The following EYA2 variants were observed in gnomAD, a reference collection of about 807,000 sequenced individuals.
EYA2 encodes the protein EYA transcriptional coactivator and phosphatase 2.
In EYA2, 31 loss-of-function variants were observed where a neutral mutation model predicts 69.2. The ratio of observed to expected loss-of-function variants is 0.45; its 90% CI spans 0.34 to 0.60. The LOEUF is 0.60. EYA2 is among the 20% of genes least tolerant of loss of function. The probability of loss-of-function intolerance (pLI) is 0.02; values close to 1 mark genes in which losing one functional copy is unlikely to be tolerated. For missense variants in EYA2, 622 were observed against 701.2 expected (o/e 0.89, Z 1.28); for synonymous variants, 257 against 279.4 (o/e 0.92, Z 0.80).
At chr20:47,032,779 G>A (rs1050765888) in intron 5 of EYA2, among the ~76,000 whole-genome samples, 55 of 152,308 alleles carry the variant, frequency 3.6e-4, no homozygotes, top group African/African-American at 1.3e-3. Flanking sequence ...TGAAGCCTGG[G>A]ACAAAGTCAA....
rs1255407965 is a variant in EYA2 at position 46,962,036 on chromosome 20, C to A, written c.-10-27965C>A. Among the ~76,000 whole-genome samples the A allele has an allele frequency of 2.0e-5, 3 of 152,070 alleles. No individual in the cohort carries two copies. In the East Asian group the frequency reaches 5.8e-4, roughly 29 times the overall value. ...CAGATTTTCTTTCTTTCTTTCTTTT[C>A]TTTTTCTTTTTAAGACAGGATCTCA... On this transcript the variant is annotated intron_variant, in intron 1 of 15. Coordinates refer to ENST00000327619, the MANE Select transcript of EYA2 (RefSeq NM_005244.5).
chr20:46,959,797 T>G (rs1600582965), intron 1 of EYA2, among the ~76,000 whole-genome samples: 1 of 152,262 alleles, frequency 6.6e-6, no homozygotes, highest in African/African-American at 2.4e-5. Context: ...TCATCTCTTT[T>G]CTCTGAAATT....
intron 9 of EYA2, among the ~76,000 whole-genome samples, chr20:47,113,387 G>A (rs1053546166): frequency 2.0e-5 from 3 of 152,168 alleles, no homozygotes; most frequent in Non-Finnish European, 2.9e-5. Context: ...GGGGCTGATC[G>A]GCTGTGCCTG....
In EYA2 at chr20:47,188,493, A is replaced by C; in HGVS notation, c.*360A>C. On this transcript the variant is annotated 3_prime_UTR_variant, in exon 16 of 16. Transcript: ENST00000327619. The stretch of plus-strand genomic sequence containing the variant: ...TCTTTTTAATTTATGGACTAGTCTC[A>C]TTACTCCGGAATTATGCTCTTGTAC... 1 of 522,928 alleles carries C rather than the reference A, an allele frequency of 1.9e-6. No individual in the cohort carries two copies. Among genetic ancestry groups the C allele is most frequent in the Non-Finnish European group, 3.4e-6 (1 of 297,094 alleles). The allele number at this position is 522,928 out of a possible 1,614,324, so 32.4% of individuals were successfully genotyped here.
chr20:47,121,279 A>T (rs537878530), intron 9 of EYA2, among the ~76,000 whole-genome samples: 2 of 152,254 alleles, frequency 1.3e-5, no homozygotes, highest in African/African-American at 4.8e-5. Context: ...TTTAGTTGAG[A>T]CAGAGTTTCA....
At chr20:47,056,838 A>T (rs1179112639) in intron 5 of EYA2, among the ~76,000 whole-genome samples, 2 of 152,076 alleles carry the variant, frequency 1.3e-5, no homozygotes, top group East Asian at 3.9e-4. Context: ...TGAGCCCAGA[A>T]GTTCGAGACC....
At chr20:47,093,293 A>C (rs1439508163) in intron 8 of EYA2, among the ~76,000 whole-genome samples, 2 of 152,180 alleles carry the variant, frequency 1.3e-5, no homozygotes, top group Non-Finnish European at 2.9e-5. Flanking sequence ...TCTGGAGACT[A>C]CCTGTCAGAT....
chr20:46,962,946 G>A (rs1378534118), intron 1 of EYA2, among the ~76,000 whole-genome samples: 1 of 152,234 alleles, frequency 6.6e-6, no homozygotes, highest in Non-Finnish European at 1.5e-5. Context: ...GAATGCCTCT[G>A]TTCCCTGGCA....
At chr20:46,961,042 G>T (rs551436262) in intron 1 of EYA2, among the ~76,000 whole-genome samples, 20 of 152,298 alleles carry the variant, frequency 1.3e-4, no homozygotes, top group African/African-American at 4.8e-4. Context: ...TTATCAAAAA[G>T]ACCAAAATAA....
chr20:47,174,773 G>A lies in EYA2; in HGVS notation c.1198+1906G>A, dbSNP rs566601593. On this transcript the variant is annotated intron_variant, in intron 12 of 15. Transcript: ENST00000327619. ...GCTTGAAAGCAGAAACTGAGATGAC[G>A]GAGGTTAAGTAACCTGCCCAGCGTC... 2.6e-5 allele frequency among the ~76,000 whole-genome samples: 4 copies of A among 152,336 alleles called. No individual in the cohort carries two copies. The South Asian group carries it at 6.2e-4, about 24-fold the overall frequency.
chr20:47,066,152 C>T (rs374727234), intron 5 of EYA2, among the ~76,000 whole-genome samples: 1 of 152,086 alleles, frequency 6.6e-6, no homozygotes, highest in African/African-American at 2.4e-5. Context: ...CCAGCTTTGG[C>T]AACATGGCAA....
intron 2 of EYA2, among the ~76,000 whole-genome samples, chr20:46,999,995 C>G (rs76792237): frequency 6.6e-6 from 1 of 152,306 alleles, no homozygotes; most frequent in Non-Finnish European, 1.5e-5. Context: ...TGACTGTCAT[C>G]GTCAGCTGTA....
chr20:46,897,914 A>G (rs1983893368), intron 1 of EYA2, among the ~76,000 whole-genome samples: 1 of 152,086 alleles, frequency 6.6e-6, no homozygotes, highest in African/African-American at 2.4e-5. Flanking sequence ...CAGTGTCTTC[A>G]GGTCTTAGGT....
chr20:47,047,924 G>C (rs4809617), intron 5 of EYA2, among the ~76,000 whole-genome samples: 32,327 of 146,290 alleles, frequency 0.22, 3,619 homozygotes, highest in Middle Eastern at 0.33. Flanking sequence ...CATCCATCTC[G>C]CTCCCAGCCT....
Position 46,957,915 on chromosome 20 carries a change from C to A in EYA2, c.-10-32086C>A, listed in dbSNP as rs184924059. 2.6e-5 allele frequency among the ~76,000 whole-genome samples: 4 copies of A among 152,250 alleles called. No homozygotes were observed. In the East Asian group the frequency reaches 7.7e-4, roughly 29 times the overall value. ...ATAAGCTTCTCAACTTGCAATTTGT[C>A]CCAAACTACATTCCCTGCTCTCCCT... On this transcript the variant is annotated intron_variant, in intron 1 of 15. Coordinates refer to ENST00000327619, the MANE Select transcript of EYA2 (RefSeq NM_005244.5).
Position 47,183,334 on chromosome 20 carries a change from A to G in EYA2, c.1479A>G (p.Arg493=). The change falls in exon 15 of 16, where the codon AGA becomes AGG. Residue 493 remains arginine (R), a synonymous_variant. Coordinates refer to ENST00000327619, the MANE Select transcript of EYA2 (RefSeq NM_005244.5). ...CFERIMQRFG[R]KAVYVVIGDG... is the part of the protein sequence containing the mutation. ...AGAGGATAATGCAGAGATTCGGCAG[A>G]AAAGCTGTCTACGTGGTGATCGGTG... 6.2e-7 allele frequency: 1 copy of G among 1,614,166 alleles called. No individual in the cohort carries two copies. Among genetic ancestry groups the G allele is most frequent in the Non-Finnish European group, 8.5e-7 (1 of 1,180,022 alleles).
In EYA2 at chr20:47,145,967, A is replaced by G. The variant is rs140647411; in HGVS notation, c.978+2819A>G. On this transcript the variant is annotated intron_variant, in intron 10 of 15. Transcript: ENST00000327619. ...AGAGACCAGCCAAGAGGCTACTGCA[A>G]TAGTCCAAGCAAGAGAAGAAAATGG... Among the ~76,000 whole-genome samples, 1,147 of 152,160 alleles carry G rather than the reference A, an allele frequency of 7.5e-3. 18 individuals are homozygous for G. The highest frequency in any genetic ancestry group is 0.026 in the African/African-American group (1,079 of 41,532).
chr20:47,136,242 A>G lies in EYA2; in HGVS notation c.889-6817A>G, dbSNP rs6018297. Among the ~76,000 whole-genome samples the G allele has an allele frequency of 7.1e-3, 1,087 of 152,338 alleles. 18 individuals are homozygous for G. Among genetic ancestry groups the G allele is most frequent in the African/African-American group, 0.025 (1,028 of 41,560 alleles). ...GAGGATGGTAGAGACACTTGATAGAAAACAACTGTTTAGTCTTAATTAACT... is the reference window on the plus strand; with the variant it reads ...GAGGATGGTAGAGACACTTGATAGAGAACAACTGTTTAGTCTTAATTAACT... On this transcript the variant is annotated intron_variant, in intron 9 of 15. Transcript: ENST00000327619.
At chr20:47,080,326 A>G (rs1280867481) in intron 7 of EYA2, among the ~76,000 whole-genome samples, 2 of 151,774 alleles carry the variant, frequency 1.3e-5, no homozygotes, top group Non-Finnish European at 2.9e-5. Flanking sequence ...AATTTATGGA[A>G]TGTCATTAAA....
Sources: gnomAD v4.1 joint callset for allele counts (sites outside exome capture counted in the v4.1 genomes callset) on GRCh38, gnomAD v4.1.1 for gene constraint, MANE v1.5 for transcripts, NCBI Gene and HGNC (gene_info 2026-07-23, HGNC 2026-07-21) for gene names.